The following DNAH3 variants were observed in gnomAD, a reference collection of about 807,000 sequenced individuals.
DNAH3 encodes dynein axonemal heavy chain 3.
DNAH3 carries 332 observed loss-of-function variants against 432.5 expected under a neutral mutation model. That is an observed-to-expected ratio of 0.77 (90% CI 0.70 to 0.84). The LOEUF (loss-of-function observed/expected upper bound fraction) is 0.84, where lower values mean the gene tolerates loss of function less well. Ranked by LOEUF, DNAH3 falls within the 40% of genes least tolerant of loss-of-function variation. The pLI is 0.00. For missense variants in DNAH3, 4,861 were observed against 5,114.0 expected (o/e 0.95, Z 1.51); for synonymous variants, 1,956 against 1,900.2 (o/e 1.03, Z -0.76).
At chr16:21,153,182 G>T (rs563919319) in intron 1 of DNAH3, among the ~76,000 whole-genome samples, 26 of 152,152 alleles carry the variant, frequency 1.7e-4, no homozygotes, top group African/African-American at 5.8e-4. Flanking sequence ...GTATCTAGCT[G>T]CTCTGGTGGG....
chr16:21,075,829 G>A (rs908302056), intron 20 of DNAH3, among the ~76,000 whole-genome samples: 4 of 149,396 alleles, frequency 2.7e-5, no homozygotes, highest in African/African-American at 9.9e-5. Flanking sequence ...AGGATCGCCT[G>A]AGCCTGGGAG....
chr16:20,975,099 G>A (rs1204220288), intron 51 of DNAH3, 134 bp downstream of exon 51: 9 of 1,046,582 alleles, frequency 8.6e-6, no homozygotes, highest in Non-Finnish European at 1.2e-5. Context: ...CCAAAGTGCT[G>A]GGATTACAGC....
chr16:21,125,108 G>T, intron 9 of DNAH3, 67 bp downstream of exon 10: 1 of 1,377,740 alleles, frequency 7.3e-7, no homozygotes, highest in Non-Finnish European at 9.9e-7. Flanking sequence ...ACATGACAGA[G>T]TCCTGGCTCT....
intron 1 of DNAH3, among the ~76,000 whole-genome samples, chr16:21,152,193 CT>C (rs1304263250): frequency 3.3e-5 from 5 of 152,052 alleles, no homozygotes; most frequent in African/African-American, 7.2e-5. Context: ...GATCATGCCA[CT>C]GCACCCCAGC....
At chr16:21,085,549 GA>G (rs1223309430) in intron 19 of DNAH3, among the ~76,000 whole-genome samples, 2 of 116,310 alleles carry the variant, frequency 1.7e-5, no homozygotes, top group Non-Finnish European at 3.6e-5. Context: ...AAAAAAAAAA[GA>G]AAAACAGAGG....
At chr16:21,038,238 T>G (rs1210304540) in intron 33 of DNAH3, among the ~76,000 whole-genome samples, 2 of 152,192 alleles carry the variant, frequency 1.3e-5, no homozygotes, top group Admixed American at 6.5e-5. Flanking sequence ...CAGTGGCTCA[T>G]GCCTGTGATC....
At chr16:21,125,460 G>C (rs1235796755) in intron 8 of DNAH3, 90 bp from the exon 10 acceptor site, 1 of 1,107,100 alleles carries the variant, frequency 9.0e-7, no homozygotes, top group Non-Finnish European at 1.2e-6. Context: ...TGATGAGGCA[G>C]ATGGGCTCAA....
chr16:20,994,726 A>G (rs1054996248), intron 44 of DNAH3, among the ~76,000 whole-genome samples: 7 of 152,194 alleles, frequency 4.6e-5, no homozygotes, highest in Admixed American at 2.6e-4. Flanking sequence ...AGTACCTCGT[A>G]TAAGTGGAAT....
chr16:20,980,246 A>ATATACATCATATATTATATTATAG (rs2085813091), intron 49 of DNAH3, among the ~76,000 whole-genome samples: 1 of 131,754 alleles, frequency 7.6e-6, no homozygotes, highest in African/African-American at 2.6e-5. Flanking sequence ...TATATATATA[A>ATATACATCATATATTATATTATAG]TATACATCAT....
chr16:20,965,038 T>A, exon 53 of DNAH3: 1 of 1,614,096 alleles, frequency 6.2e-7, no homozygotes. Context: ...GTCCTTTTTC[T>A]TGGTGTTCAT....
intron 47 of DNAH3, among the ~76,000 whole-genome samples, chr16:20,986,520 T>C (rs2086206079): frequency 6.6e-6 from 1 of 151,930 alleles, no homozygotes; most frequent in Non-Finnish European, 1.5e-5. Context: ...AAATAAATAT[T>C]TTTTTTGTTA....
chr16:21,138,710 T>C (rs2092677611), intron 5 of DNAH3, among the ~76,000 whole-genome samples: 1 of 151,974 alleles, frequency 6.6e-6, no homozygotes, highest in Non-Finnish European at 1.5e-5. Context: ...CTTGGGAGGC[T>C]GAGGCAGGAG....
At chr16:21,067,757 T>G (rs2090606642) in intron 23 of DNAH3, among the ~76,000 whole-genome samples, 1 of 29,824 alleles carries the variant, frequency 3.4e-5, no homozygotes, top group South Asian at 1.3e-3. Flanking sequence ...AAGCCAGTCT[T>G]GGGGGGGGGG....
chr16:20,938,805 C>T (rs2083694771), intron 59 of DNAH3, among the ~76,000 whole-genome samples: 1 of 151,766 alleles, frequency 6.6e-6, no homozygotes, highest in African/African-American at 2.4e-5. Context: ...GAGACAGGGT[C>T]TCATTCTCTT....
chr16:21,159,362 C>G (rs1382462540), exon 1 of DNAH3: 1 of 1,614,072 alleles, frequency 6.2e-7, no homozygotes, highest in Non-Finnish European at 8.5e-7. Flanking sequence ...TTGGGTCTCC[C>G]TGGCTTTTGA....
intron 48 of DNAH3, among the ~76,000 whole-genome samples, chr16:20,984,360 C>T (rs1483382613): frequency 1.3e-5 from 2 of 151,868 alleles, no homozygotes; most frequent in African/African-American, 4.8e-5. Flanking sequence ...GGCAGCTTAG[C>T]CAATGTGAAG....
At chr16:21,146,081 T>C (rs753089809) in exon 2 of DNAH3, 2 of 1,612,012 alleles carry the variant, frequency 1.2e-6, no homozygotes, top group African/African-American at 2.7e-5. Flanking sequence ...GGAGTCACTT[T>C]TGGCGATCTG....
chr16:21,144,577 C>T (rs1000611639), intron 3 of DNAH3, among the ~76,000 whole-genome samples: 2 of 152,158 alleles, frequency 1.3e-5, no homozygotes, highest in South Asian at 2.1e-4. Context: ...GCCATGCCCA[C>T]GTTCCTGCCC....
chr16:21,081,947 C>A (rs1486632978), intron 19 of DNAH3, among the ~76,000 whole-genome samples: 1 of 152,068 alleles, frequency 6.6e-6, no homozygotes, highest in Non-Finnish European at 1.5e-5. Flanking sequence ...ACTCTGTCTC[C>A]CAGGCAACAC....
Sources: gnomAD v4.1 joint callset for allele counts (sites outside exome capture counted in the v4.1 genomes callset) on GRCh38, gnomAD v4.1.1 for gene constraint, MANE v1.5 for transcripts, NCBI Gene and HGNC (gene_info 2026-07-23, HGNC 2026-07-21) for gene names.